Variants in EDA2R observed in about 807,000 individuals in gnomAD.
EDA2R encodes ectodysplasin A2 receptor, also known as tumor necrosis factor receptor superfamily member 27.
A neutral mutation model predicts 20.1 loss-of-function variants in EDA2R; 26 were observed. That is an observed-to-expected ratio of 1.30 (90% CI 0.95 to 1.80). The LOEUF (loss-of-function observed/expected upper bound fraction) is 1.80. EDA2R is among the 40% of genes most tolerant of loss of function. EDA2R has a pLI of 0.00. For synonymous variants in EDA2R, 114 were observed against 88.7 expected (o/e 1.29, Z -1.60); for missense variants, 277 against 228.7 (o/e 1.21, Z -1.36).
rs192318746 is a variant in EDA2R, at chrX:66,621,017, C to T, written c.-10-4987G>A. On this transcript the variant is annotated intron_variant, in intron 1 of 6. Transcript: ENST00000374719. ...GCCGGCCAGGCACGGTGGCTCACGC[C>T]TGTAATCCCAGCACTTTGGGAGGCC... Among the ~76,000 whole-genome samples, 661 of 108,112 alleles carry T rather than the reference C, an allele frequency of 6.1e-3. 4 individuals are homozygous for T. Among genetic ancestry groups the T allele is most frequent in the African/African-American group, 0.022 (641 of 29,675 alleles). 93.9% of individuals were successfully genotyped at this position (108,112 alleles called of 115,157 possible).
chrX:66,610,694 C>T (rs1438093420), intron 2 of EDA2R, among the ~76,000 whole-genome samples: 2 of 111,803 alleles, frequency 1.8e-5, no homozygotes, highest in Non-Finnish European at 3.8e-5. Context: ...AGACAAAAAT[C>T]CACACACTCA....
At chrX:66,625,049 C>T (rs1284984380) in intron 1 of EDA2R, among the ~76,000 whole-genome samples, 1 of 111,708 alleles carries the variant, frequency 9.0e-6, no homozygotes, top group Non-Finnish European at 1.9e-5. Context: ...CCCAAGCAGG[C>T]CTGGAACCAC....
chrX:66,639,232 G>T (rs1354579184), upstream of EDA2R: 1 of 100,221 alleles, frequency 1.0e-5, no homozygotes, highest in Non-Finnish European at 2.0e-5. Context: ...TCAAAGTTCC[G>T]CTTGACTCAT....
At chrX:66,632,834 G>A (rs1022262051) in intron 1 of EDA2R, among the ~76,000 whole-genome samples, 3 of 111,779 alleles carry the variant, frequency 2.7e-5, no homozygotes, top group African/African-American at 9.8e-5. Flanking sequence ...GACCACAGGT[G>A]GGTACTACAG....
At chrX:66,616,100 TTG>T in intron 1 of EDA2R, 70 bp from the exon 2 acceptor site, 1 of 747,973 alleles carries the variant, frequency 1.3e-6, no homozygotes, top group Non-Finnish European at 2.0e-6. Flanking sequence ...TCCATGCCAC[TTG>T]GCTTCTGGGT....
chrX:66,620,190 C>T (rs1259861362), intron 1 of EDA2R, among the ~76,000 whole-genome samples: 13 of 112,199 alleles, frequency 1.2e-4, no homozygotes, highest in Admixed American at 9.4e-4. Context: ...TTGTTAATTA[C>T]TATTGTTGTG....
At chrX:66,599,892 C>T in intron 5 of EDA2R, 32 bp from the exon 6 acceptor site, 1 of 1,188,350 alleles carries the variant, frequency 8.4e-7, no homozygotes, top group Non-Finnish European at 1.1e-6. Flanking sequence ...CACTGGGTTA[C>T]CCAAAAGCAG....
intron 1 of EDA2R, among the ~76,000 whole-genome samples, chrX:66,631,076 G>A (rs748164392): frequency 2.8e-5 from 3 of 108,776 alleles, no homozygotes; most frequent in Admixed American, 9.8e-5. Context: ...GATGAGATTC[G>A]AGACTATTAT....
At chrX:66,633,934 C>G (rs1050167669) in intron 1 of EDA2R, among the ~76,000 whole-genome samples, 2 of 111,507 alleles carry the variant, frequency 1.8e-5, no homozygotes, top group African/African-American at 3.3e-5. Flanking sequence ...TCTTGCCCCA[C>G]ACTCCCTCCA....
rs934707469 is a variant in EDA2R at position 66,638,385 on chromosome X, T to C, written c.-11+610A>G. Among the ~76,000 whole-genome samples, 7 of 111,721 alleles carry C rather than the reference T, an allele frequency of 6.3e-5. No homozygotes were observed. The South Asian group carries it at 2.7e-3, about 43-fold the overall frequency. On this transcript the variant is annotated intron_variant, in intron 1 of 6. Coordinates refer to ENST00000374719, the MANE Select transcript of EDA2R (RefSeq NM_021783.5). ...TTTTCCTAGCCTGGTCTCTGGCGGG[T>C]CCCTTCTTGTCCCCCAGTTCTTGCA...
chrX:66,637,308 C>T (rs1032293162), intron 1 of EDA2R, among the ~76,000 whole-genome samples: 2 of 111,903 alleles, frequency 1.8e-5, no homozygotes, highest in Non-Finnish European at 3.8e-5. Flanking sequence ...CAGCCACGAC[C>T]TCAGTTCCAG....
intron 2 of EDA2R, among the ~76,000 whole-genome samples, chrX:66,610,340 G>A (rs1409151076): frequency 9.4e-6 from 1 of 105,898 alleles, no homozygotes. Context: ...TCTGTGTGTG[G>A]GTTGTGTGTA....
chrX:66,631,224 G>T (rs779869836), intron 1 of EDA2R, among the ~76,000 whole-genome samples: 7 of 110,631 alleles, frequency 6.3e-5, no homozygotes, highest in African/African-American at 2.3e-4. Context: ...CAGTGAAGGG[G>T]GGCGAGGGAT....
intron 1 of EDA2R, among the ~76,000 whole-genome samples, chrX:66,632,112 G>C (rs1344798490): frequency 8.9e-6 from 1 of 111,950 alleles, no homozygotes; most frequent in African/African-American, 3.2e-5. Flanking sequence ...GTAAATCATG[G>C]CAGAAGTTAA....
At chrX:66,602,916 T>G (rs1928913327) in intron 4 of EDA2R, 119 bp from the exon 5 acceptor site, 3 of 645,039 alleles carry the variant, frequency 4.7e-6, no homozygotes, top group Non-Finnish European at 6.7e-6. Flanking sequence ...CCAATTAGGG[T>G]GGCTATGCTG....
chrX:66,601,825 C>T (rs1437894961), intron 5 of EDA2R, among the ~76,000 whole-genome samples: 1 of 111,750 alleles, frequency 8.9e-6, no homozygotes, highest in Non-Finnish European at 1.9e-5. Context: ...TGATCAGCCA[C>T]ATTCCCACCT....
At chrX:66,632,171 C>G (rs1262613369) in intron 1 of EDA2R, among the ~76,000 whole-genome samples, 1 of 112,059 alleles carries the variant, frequency 8.9e-6, no homozygotes, top group East Asian at 2.8e-4. Flanking sequence ...TGCCGGTAAT[C>G]CCAGCACTTT....
chrX:66,610,862 G>A (rs1930622679), intron 2 of EDA2R, among the ~76,000 whole-genome samples: 1 of 111,549 alleles, frequency 9.0e-6, no homozygotes, highest in Non-Finnish European at 1.9e-5. Flanking sequence ...ACAATAGGCT[G>A]CAGGGGGCAC....
chrX:66,626,470 A>G (rs1933086473), intron 1 of EDA2R, among the ~76,000 whole-genome samples: 1 of 112,017 alleles, frequency 8.9e-6, no homozygotes, highest in Non-Finnish European at 1.9e-5. Flanking sequence ...AAGACAAAGA[A>G]AAAACAGAAT....
Sources: allele counts gnomAD v4.1 joint callset (sites outside exome capture counted in the v4.1 genomes callset), GRCh38; gene constraint gnomAD v4.1.1; transcripts MANE v1.5; gene names NCBI Gene and HGNC (gene_info 2026-07-23, HGNC 2026-07-21).